Variants in FGF14 observed in about 807,000 individuals in gnomAD.
FGF14 encodes the protein fibroblast growth factor 14, also known as fibroblast growth factor homologous factor 4.
Under a neutral mutation model 25.5 loss-of-function variants are expected in FGF14, and 5 were observed. The ratio of observed to expected loss-of-function variants is 0.20; its 90% CI spans 0.10 to 0.41. The LOEUF (loss-of-function observed/expected upper bound fraction) is 0.41, where lower values mean the gene tolerates loss of function less well. Ranked by LOEUF, FGF14 falls within the 10% of genes least tolerant of loss-of-function variation. The pLI is 1.00. For synonymous variants in FGF14, 138 were observed against 118.3 expected, an observed-to-expected ratio of 1.17 and a Z score of -1.08; for missense variants, 222 against 320.1, an observed-to-expected ratio of 0.69 and a Z score of 2.34.
chr13:101,949,423 G>A (rs550732613), intron 1 of FGF14, among the ~76,000 whole-genome samples: 43 of 152,142 alleles, frequency 2.8e-4, no homozygotes, highest in East Asian at 9.7e-4. Context: ...GCTTGGCTGC[G>A]GAACTGCAGA....
intron 1 of FGF14, among the ~76,000 whole-genome samples, chr13:101,948,722 A>T (rs573507261): frequency 1.3e-5 from 2 of 152,118 alleles, no homozygotes; most frequent in African/African-American, 4.8e-5. Flanking sequence ...TTTTTTAATT[A>T]TGAAAAAAGA....
intron 1 of FGF14, among the ~76,000 whole-genome samples, chr13:102,019,160 T>C (rs147052717): frequency 1.1e-4 from 16 of 152,264 alleles, no homozygotes; most frequent in Middle Eastern, 3.4e-3. Flanking sequence ...GGTCAAACCC[T>C]ATCCTCACAT....
At chr13:102,387,726 T>C (rs1055301595) in intron 1 of FGF14, among the ~76,000 whole-genome samples, 2 of 151,722 alleles carry the variant, frequency 1.3e-5, no homozygotes, top group Non-Finnish European at 2.9e-5. Context: ...TTTGTTTGGT[T>C]TTTTGAGAGT....
chr13:102,141,214 C>T (rs2046629316), intron 1 of FGF14, among the ~76,000 whole-genome samples: 1 of 152,300 alleles, frequency 6.6e-6, no homozygotes, highest in African/African-American at 2.4e-5. Flanking sequence ...CAACTTTGGT[C>T]ACCCAGGAAA....
intron 1 of FGF14, among the ~76,000 whole-genome samples, chr13:101,975,375 C>A (rs1314629768): frequency 6.6e-6 from 1 of 152,096 alleles, no homozygotes; most frequent in Non-Finnish European, 1.5e-5. Context: ...TATGCCTGAC[C>A]CCCCACCATG....
In FGF14 at chr13:102,328,646, G is replaced by A. The variant is rs961437760; in HGVS notation, c.208+72825C>T. Among the ~76,000 whole-genome samples, 53 of 152,344 alleles carry A rather than the reference G, an allele frequency of 3.5e-4. 1 individual carries two copies. The highest frequency in any genetic ancestry group is 2.1e-3 in the South Asian group (10 of 4,826). ...TGTGGATGCTTAGAATAGCTGTATC[G>A]TGTGATACACGAAGGAGGAGCAATA... On this transcript the variant is annotated intron_variant, in intron 1 of 4. Coordinates refer to the FGF14 transcript ENST00000376131.
chr13:102,283,583 T>TAAATTCCAACCATTCTTAGA (rs1229122726), intron 1 of FGF14, among the ~76,000 whole-genome samples: 2 of 152,230 alleles, frequency 1.3e-5, no homozygotes, highest in Non-Finnish European at 2.9e-5. Context: ...AAATTTAGTG[T>TAAATTCCAACCATTCTTAGA]AAATTCCAAC....
At chr13:101,731,214 G>A (rs903357179) in intron 3 of FGF14, among the ~76,000 whole-genome samples, 3 of 152,128 alleles carry the variant, frequency 2.0e-5, no homozygotes, top group Non-Finnish European at 4.4e-5. Context: ...TATTGTGCCA[G>A]TGAAACACTC....
Position 102,387,708 on chromosome 13 carries a change from G to GA in FGF14, c.208+13762_208+13763insT, listed in dbSNP as rs111577425. Among the ~76,000 whole-genome samples the GA allele has an allele frequency of 1.1e-4, 17 of 148,306 alleles. No individual in the cohort carries two copies. In the East Asian group the frequency reaches 2.6e-3, roughly 22 times the overall value. On this transcript the variant is annotated intron_variant, in intron 1 of 4. Transcript: ENST00000376131. ...TAATAAGCATAGTACCCACTAGGCA[G>GA]TTTTTTTTTTGTTTGGTTTTTTGAG...
At chr13:101,883,264 A>T (rs2045811785) in intron 1 of FGF14, among the ~76,000 whole-genome samples, 1 of 152,178 alleles carries the variant, frequency 6.6e-6, no homozygotes, top group African/African-American at 2.4e-5. Context: ...TTAAGGCTTA[A>T]AATTTTAGAA....
chr13:102,376,954 G>A (rs2058054160), intron 1 of FGF14, among the ~76,000 whole-genome samples: 1 of 152,172 alleles, frequency 6.6e-6, no homozygotes, highest in Non-Finnish European at 1.5e-5. Flanking sequence ...CCTGAAGCCT[G>A]CAGTGAGAAA....
chr13:102,069,451 T>G (rs978908608), intron 1 of FGF14, among the ~76,000 whole-genome samples: 1 of 152,178 alleles, frequency 6.6e-6, no homozygotes, highest in Admixed American at 6.5e-5. Flanking sequence ...TTCCACACTG[T>G]GAAAGCTTTG....
intron 1 of FGF14, chr13:102,002,610 A>C (rs2039557523): frequency 6.4e-6 from 1 of 155,506 alleles, no homozygotes; most frequent in South Asian, 2.0e-4. Flanking sequence ...AACAGTTTAA[A>C]ATGTCAGGAA....
At chr13:102,076,627 C>T (rs959681547) in intron 1 of FGF14, among the ~76,000 whole-genome samples, 20 of 151,926 alleles carry the variant, frequency 1.3e-4, no homozygotes, top group African/African-American at 4.6e-4. Context: ...ATTGAAGACA[C>T]AAATAAATGG....
chr13:101,774,367 C>T (rs189017186), intron 3 of FGF14, among the ~76,000 whole-genome samples: 158 of 152,234 alleles, frequency 1.0e-3, no homozygotes, highest in Non-Finnish European at 7.9e-4. Flanking sequence ...GGAAACCAGT[C>T]GAGATCCAGA....
At position 101,804,371 on chromosome 13, in the gene FGF14, CTGGAAATTTGTT is replaced by C. The variant is rs572063926; in HGVS notation, c.408+64342_408+64353del. Among the ~76,000 whole-genome samples, 827 of 152,252 alleles carry C rather than the reference CTGGAAATTTGTT, an allele frequency of 5.4e-3. 6 individuals carry two copies. The highest frequency in any genetic ancestry group is 7.0e-3 in the Non-Finnish European group (479 of 68,006). ...GATCACAATGCATCCCAAAGGAATT[CTGGAAATTTGTT>C]GGTGTGTAAAGGTAAGTACTGCTGG... is the stretch of plus-strand genomic sequence containing the variant. On this transcript the variant is annotated intron_variant, in intron 3 of 4. Transcript: ENST00000376143.
chr13:102,355,683 G>C (rs896011152), intron 1 of FGF14, among the ~76,000 whole-genome samples: 2 of 151,664 alleles, frequency 1.3e-5, no homozygotes, highest in Non-Finnish European at 2.9e-5. Context: ...TACTCAAATT[G>C]TTAAAAAATT....
intron 1 of FGF14, among the ~76,000 whole-genome samples, chr13:101,951,132 A>T (rs1439873482): frequency 1.3e-5 from 2 of 152,214 alleles, no homozygotes; most frequent in African/African-American, 4.8e-5. Context: ...ATAAATGGCT[A>T]TTTGACATCA....
intron 1 of FGF14, among the ~76,000 whole-genome samples, chr13:101,954,732 G>A (rs903760390): frequency 2.0e-5 from 3 of 152,148 alleles, no homozygotes; most frequent in African/African-American, 4.8e-5. Flanking sequence ...GCTTGTGCAC[G>A]AGTGTGTGCA....
Sources: gnomAD v4.1 joint callset for allele counts (sites outside exome capture counted in the v4.1 genomes callset) on GRCh38, gnomAD v4.1.1 for gene constraint, MANE v1.5 for transcripts, NCBI Gene and HGNC (gene_info 2026-07-23, HGNC 2026-07-21) for gene names.